The following GSE1 variants were observed in gnomAD, a reference collection of about 807,000 sequenced individuals.
GSE1 encodes the protein genetic suppressor element 1.
Under a neutral mutation model 112.6 loss-of-function variants are expected in GSE1, and 32 were observed. That is an observed-to-expected ratio of 0.28 (90% CI 0.21 to 0.38). GSE1 has a LOEUF of 0.38. GSE1 is among the 10% of genes least tolerant of loss of function. The pLI, the probability that GSE1 is intolerant of heterozygous loss-of-function variation, is 1.00. For synonymous variants in GSE1, 1,115 were observed against 735.6 expected (o/e 1.52, Z -8.35); for missense variants, 2,348 against 1,699.2 (o/e 1.38, Z -6.71).
chr16:85,412,486 C>T (rs147631985), intron 2 of GSE1, among the ~76,000 whole-genome samples: 77 of 6,518 alleles, frequency 0.012, 11 homozygotes, highest in Non-Finnish European at 0.023. Flanking sequence ...TAATCCTCAC[C>T]GTTACACTCA....
At chr16:85,608,001 C>A (rs12444241), upstream of GSE1, among the ~76,000 whole-genome samples, 1 of 152,188 alleles carries the variant, frequency 6.6e-6, no homozygotes, top group African/African-American at 2.4e-5. Flanking sequence ...TTCCTCCCCC[C>A]CATGATTTCA....
intron 1 of GSE1, among the ~76,000 whole-genome samples, chr16:85,258,542 C>T (rs2144085337): frequency 6.6e-6 from 1 of 152,336 alleles, no homozygotes; most frequent in South Asian, 2.1e-4. Flanking sequence ...GCCACCCCTT[C>T]CCGCCTGCCC....
chr16:85,341,582 C>T (rs754038082), intron 1 of GSE1, among the ~76,000 whole-genome samples: 3 of 152,062 alleles, frequency 2.0e-5, no homozygotes, highest in Non-Finnish European at 2.9e-5. Context: ...CGCTTGAACC[C>T]GGGAGGCAGA....
chr16:85,515,538 G>T (rs1365478718), intron 2 of GSE1, among the ~76,000 whole-genome samples: 1 of 152,120 alleles, frequency 6.6e-6, no homozygotes, highest in East Asian at 1.9e-4. Context: ...GCCAGAGGCT[G>T]GTCTTAGCCT....
intron 1 of GSE1, among the ~76,000 whole-genome samples, chr16:85,224,581 G>A (rs1452124636): frequency 6.6e-6 from 1 of 152,112 alleles, no homozygotes; most frequent in East Asian, 1.9e-4. Context: ...CATCTACTAT[G>A]TGCCGGGCAC....
intron 1 of GSE1, among the ~76,000 whole-genome samples, chr16:85,256,966 T>A (rs1907148838): frequency 6.6e-6 from 1 of 152,162 alleles, no homozygotes; most frequent in South Asian, 2.1e-4. Flanking sequence ...GTTCTTTCTG[T>A]CACGATACTT....
intron 1 of GSE1, among the ~76,000 whole-genome samples, chr16:85,616,749 G>A (rs768639666): frequency 4.6e-5 from 7 of 151,990 alleles, no homozygotes; most frequent in Non-Finnish European, 8.8e-5. Context: ...GTGGGACGCC[G>A]TGCTGCTGGC....
intron 2 of GSE1, among the ~76,000 whole-genome samples, chr16:85,469,528 G>A (rs1289674737): frequency 4.6e-5 from 7 of 152,298 alleles, no homozygotes; most frequent in Middle Eastern, 3.4e-3. Context: ...GTTTGTCGCC[G>A]TTTGTTAAGG....
At chr16:85,366,279 A>G (rs1193487680) in intron 2 of GSE1, among the ~76,000 whole-genome samples, 2 of 152,170 alleles carry the variant, frequency 1.3e-5, no homozygotes, top group Admixed American at 6.5e-5. Flanking sequence ...GGGGGGCTGG[A>G]TTTGGCTGTG....
chr16:85,567,776 G>T (rs1165705890), intron 1 of GSE1, among the ~76,000 whole-genome samples: 6 of 152,222 alleles, frequency 3.9e-5, no homozygotes. Flanking sequence ...GGGCTGGAGT[G>T]TAGTGGTGCG....
intron 2 of GSE1, among the ~76,000 whole-genome samples, chr16:85,524,831 C>G (rs34052016): frequency 0.038 from 5,826 of 152,192 alleles, 319 homozygotes; most frequent in African/African-American, 0.12. Flanking sequence ...CTGAGGCAGC[C>G]GGTCCATGGT....
At chr16:85,420,306 C>T (rs2048806121) in intron 2 of GSE1, among the ~76,000 whole-genome samples, 1 of 152,138 alleles carries the variant, frequency 6.6e-6, no homozygotes, top group South Asian at 2.1e-4. Flanking sequence ...GAGTGTGGCC[C>T]TGCGGACACC....
chr16:85,280,718 A>G (rs964341328), intron 1 of GSE1, among the ~76,000 whole-genome samples: 3 of 152,040 alleles, frequency 2.0e-5, no homozygotes, highest in African/African-American at 7.2e-5. Flanking sequence ...TAATTTGGGG[A>G]TTGCCCCCAC....
intron 1 of GSE1, among the ~76,000 whole-genome samples, chr16:85,321,866 G>A (rs535685488): frequency 6.6e-6 from 1 of 152,144 alleles, no homozygotes; most frequent in South Asian, 2.1e-4. Flanking sequence ...GGAACATCTA[G>A]AGTAACAGCC....
chr16:85,207,746 C>T (rs913681922), intron 1 of GSE1: 2 of 152,260 alleles, frequency 1.3e-5, no homozygotes, highest in Admixed American at 6.5e-5. Flanking sequence ...CGGAGGAGGA[C>T]GTCACTTGAC....
At position 85,479,188 on chromosome 16, in the gene GSE1, ATTTTT is replaced by A. The variant is rs59825091; in HGVS notation, c.2464+121566_2464+121570del. On this transcript the variant is annotated intron_variant, in intron 2 of 2. Transcript: ENST00000637419. The stretch of plus-strand genomic sequence containing the variant: ...AGGCGCCCGCCACCATGCCCGGCTA[ATTTTT>A]TTTTTTTTTTTTTTTTTTTTAGTAG... 3.7e-3 allele frequency among the ~76,000 whole-genome samples: 308 copies of A among 82,482 alleles called. 2 individuals carry two copies. The highest frequency in any genetic ancestry group is 0.015 in the African/African-American group (287 of 19,184). 54.1% of individuals were successfully genotyped at this position (82,482 alleles called of 152,430 possible).
intron 1 of GSE1, among the ~76,000 whole-genome samples, chr16:85,299,935 C>CA (rs35622442): frequency 0.26 from 21,572 of 83,774 alleles, 2,315 homozygotes; most frequent in African/African-American, 0.4. Context: ...GACCCTGTCT[C>CA]AAAAAAAAAA....
rs771985731 is a variant in GSE1 at position 85,672,583 on chromosome 16, A to T, written c.*44A>T. ...GCCGAACCTATAGTATAGAAATATT[A>T]TCTATTTTATTACCTTGAATATTTA... On this transcript the variant is annotated 3_prime_UTR_variant, in exon 16 of 16. Transcript: ENST00000253458. 1.5e-6 allele frequency: 2 copies of T among 1,351,220 alleles called. No individual in the cohort carries two copies. The highest frequency in any genetic ancestry group is 2.2e-5 in the Admixed American group (1 of 45,450). 83.7% of individuals were successfully genotyped at this position (1,351,220 alleles called of 1,614,324 possible).
chr16:85,174,080 A>G (rs1259292074), intron 1 of GSE1, among the ~76,000 whole-genome samples: 1 of 152,136 alleles, frequency 6.6e-6, no homozygotes, highest in Non-Finnish European at 1.5e-5. Context: ...GAGGAGGTGG[A>G]GCTTGAGTCA....
Sources: allele counts gnomAD v4.1 joint callset (sites outside exome capture counted in the v4.1 genomes callset), GRCh38; gene constraint gnomAD v4.1.1; transcripts MANE v1.5; gene names NCBI Gene and HGNC (gene_info 2026-07-23, HGNC 2026-07-21).